Variants in SYNJ2BP observed in about 807,000 individuals in gnomAD.
The protein encoded by SYNJ2BP is synaptojanin-2-binding protein.
A neutral mutation model predicts 16.9 loss-of-function variants in SYNJ2BP; 10 were observed. That is an observed-to-expected ratio of 0.59 (90% confidence interval 0.36 to 1.00). The LOEUF is 1.00. SYNJ2BP is among the 50% of genes least tolerant of loss of function. SYNJ2BP has a pLI of 0.01. For missense variants in SYNJ2BP, 162 were observed against 186.7 expected, an observed-to-expected ratio of 0.87 and a Z score of 0.77; for synonymous variants, 54 against 68.4, an observed-to-expected ratio of 0.79 and a Z score of 1.04.
chr14:70,406,872 T>C (rs1888355527), intron 1 of SYNJ2BP, among the ~76,000 whole-genome samples: 1 of 152,098 alleles, frequency 6.6e-6, no homozygotes, highest in South Asian at 2.1e-4. Context: ...AAAACTCCAG[T>C]CTCCTGTACA....
intron 2 of SYNJ2BP, among the ~76,000 whole-genome samples, chr14:70,380,681 A>G (rs1268561872): frequency 6.6e-6 from 1 of 150,782 alleles, no homozygotes; most frequent in East Asian, 1.9e-4. Context: ...AAAAAGTTAG[A>G]GTTGAATAAA....
chr14:70,398,070 C>T (rs372780495), intron 1 of SYNJ2BP, among the ~76,000 whole-genome samples: 169 of 60,562 alleles, frequency 2.8e-3, no homozygotes, highest in African/African-American at 6.4e-3. Context: ...TCTCTGTAGG[C>T]AGGTCATCTC....
In SYNJ2BP at chr14:70,370,883, C is replaced by T. The variant is rs1321249303; in HGVS notation, c.*2108G>A. Reference sequence around the variant, plus strand: ...TCTCTTTTGCTGTCTGTAATATAAACATGACCCCTACTTACACTGTCCTAC... The same window carrying T: ...TCTCTTTTGCTGTCTGTAATATAAATATGACCCCTACTTACACTGTCCTAC... On this transcript the variant is annotated 3_prime_UTR_variant, in exon 4 of 4. Transcript: ENST00000256366. 2.0e-5 allele frequency: 3 copies of T among 152,170 alleles called. No individual in the cohort carries two copies. The highest frequency in any genetic ancestry group is 4.4e-5 in the Non-Finnish European group (3 of 68,044). The allele number at this position is 152,170 out of a possible 1,614,324, so 9.4% of individuals were successfully genotyped here.
chr14:70,377,257 AATC>A (rs1193145441), intron 2 of SYNJ2BP, among the ~76,000 whole-genome samples: 1 of 152,158 alleles, frequency 6.6e-6, no homozygotes, highest in Non-Finnish European at 1.5e-5. Flanking sequence ...GCACTTGGTA[AATC>A]ATTAGAATCC....
intron 1 of SYNJ2BP, among the ~76,000 whole-genome samples, chr14:70,415,253 TAGAA>T (rs989455141): frequency 6.6e-6 from 1 of 150,456 alleles, no homozygotes; most frequent in African/African-American, 2.4e-5. Flanking sequence ...TTTTTAATAA[TAGAA>T]AGGAAGGCAG....
Position 70,373,025 on chromosome 14 carries a change from G to T in SYNJ2BP, c.404C>A (p.Ala135Asp). The change falls in exon 4 of 4, where the codon GCC (alanine) becomes GAC (aspartate). Residue 135 changes from alanine to aspartate, a missense_variant. Ala to Asp is a moderately radical substitution (Grantham distance 126). Coordinates refer to ENST00000256366, the MANE Select transcript of SYNJ2BP (RefSeq NM_018373.3). ...VPVFALTMVA[A>D]WAFMRYRQQL ...TTGCCGGTATCTCATGAAAGCCCAG[G>T]CTGCTACCATGGTGAGGGCAAACAC... The T allele has an allele frequency of 6.2e-7, 1 of 1,614,120 alleles. No homozygotes were observed. Among genetic ancestry groups the T allele is most frequent in the Non-Finnish European group, 8.5e-7 (1 of 1,180,032 alleles).
chr14:70,396,782 T>C (rs887860968), intron 1 of SYNJ2BP, among the ~76,000 whole-genome samples: 6 of 152,228 alleles, frequency 3.9e-5, no homozygotes, highest in Non-Finnish European at 7.3e-5. Flanking sequence ...GCCATTTGTA[T>C]TACCTTCTTT....
rs766804847 is a variant in SYNJ2BP at position 70,416,973 on chromosome 14, C to T, written c.-10G>A. On this transcript the variant is annotated 5_prime_UTR_variant, in exon 1 of 4. Coordinates refer to ENST00000256366, the MANE Select transcript of SYNJ2BP (RefSeq NM_018373.3). ...CCACTCTTCCGTTCATGTTTTACAGCTCGTCTGGCTTCCTACTTGGGTCAG... is the reference window on the plus strand; with the variant it reads ...CCACTCTTCCGTTCATGTTTTACAGTTCGTCTGGCTTCCTACTTGGGTCAG... The T allele has an allele frequency of 8.1e-6, 13 of 1,614,162 alleles. No individual in the cohort carries two copies. The East Asian group carries it at 2.9e-4, about 36-fold the overall frequency.
At chr14:70,396,695 CA>C (rs1310526117) in intron 1 of SYNJ2BP, among the ~76,000 whole-genome samples, 7 of 150,268 alleles carry the variant, frequency 4.7e-5, no homozygotes, top group Admixed American at 4.0e-4. Flanking sequence ...GAAGTGGTAA[CA>C]AATTGTGGTT....
intron 1 of SYNJ2BP, among the ~76,000 whole-genome samples, chr14:70,407,420 ACTC>A (rs1330717622): frequency 3.6e-5 from 5 of 137,746 alleles, no homozygotes; most frequent in Admixed American, 2.3e-4. Context: ...ACAGAGCGAG[ACTC>A]CGTCTCAAAA....
chr14:70,392,746 A>C (rs1299734769), intron 1 of SYNJ2BP, among the ~76,000 whole-genome samples: 3 of 152,224 alleles, frequency 2.0e-5, no homozygotes, highest in Non-Finnish European at 2.9e-5. Flanking sequence ...AATCCCCCTT[A>C]AGAGTAGTTT....
In SYNJ2BP at chr14:70,395,399, C is replaced by T. The variant is rs184477224; in HGVS notation, c.65-6793G>A. On this transcript the variant is annotated intron_variant, in intron 1 of 3. Coordinates refer to ENST00000256366, the MANE Select transcript of SYNJ2BP (RefSeq NM_018373.3). ...TTATGAAGACTAGAGTAACAAACACCCTATTTTCCCTTTTCTTTCCCAAGA... is the reference window on the plus strand; with the variant it reads ...TTATGAAGACTAGAGTAACAAACACTCTATTTTCCCTTTTCTTTCCCAAGA... Among the ~76,000 whole-genome samples the T allele has an allele frequency of 1.3e-3, 204 of 152,196 alleles. 2 individuals carry two copies. The highest frequency in any genetic ancestry group is 8.1e-3 in the South Asian group (39 of 4,806).
In SYNJ2BP at chr14:70,398,171, T is replaced by C. The variant is rs1888148540; in HGVS notation, c.65-9565A>G. ...GCTGTGGCTGAACCTGGGGCATTTATGGGCCTCAGAGCAGAAGTGTATGCC... is the reference window on the plus strand; with the variant it reads ...GCTGTGGCTGAACCTGGGGCATTTACGGGCCTCAGAGCAGAAGTGTATGCC... On this transcript the variant is annotated intron_variant, in intron 1 of 3. Transcript: ENST00000256366. Among the ~76,000 whole-genome samples the C allele has an allele frequency of 2.0e-5, 3 of 152,156 alleles. No homozygotes were observed. In the South Asian group the frequency reaches 6.2e-4, roughly 31 times the overall value.
At chr14:70,375,857 C>T in intron 2 of SYNJ2BP, 86 bp from the exon 3 acceptor site, 2 of 1,542,512 alleles carry the variant, frequency 1.3e-6, no homozygotes, top group Non-Finnish European at 1.8e-6. Flanking sequence ...CTTTAAATAA[C>T]AAACTCCTTC....
chr14:70,415,358 G>A (rs898982517), intron 1 of SYNJ2BP, among the ~76,000 whole-genome samples: 2 of 151,786 alleles, frequency 1.3e-5, no homozygotes, highest in African/African-American at 4.8e-5. Context: ...AGACCAGCCT[G>A]GGCAACGTAG....
chr14:70,370,556 CG>C lies in SYNJ2BP; in HGVS notation c.*2434del, dbSNP rs1361999992. On this transcript the variant is annotated 3_prime_UTR_variant, in exon 4 of 4. Coordinates refer to ENST00000256366, the MANE Select transcript of SYNJ2BP (RefSeq NM_018373.3). ...TAGTGACCCAGAGGCAAGGTCTTAC[CG>C]GACCTCTTATTTTCAAAAGCCTTCC... 6.6e-6 allele frequency: 1 copy of C among 152,100 alleles called. No individual in the cohort carries two copies. The highest frequency in any genetic ancestry group is 1.5e-5 in the Non-Finnish European group (1 of 68,028). The allele number at this position is 152,100 out of a possible 1,614,324, so 9.4% of individuals were successfully genotyped here. A position where few individuals can be genotyped will look rare whatever the true frequency, so the allele number is the denominator to read the frequency against.
At chr14:70,403,134 G>A (rs111270961) in intron 1 of SYNJ2BP, among the ~76,000 whole-genome samples, 3,493 of 152,294 alleles carry the variant, frequency 0.023, 116 homozygotes, top group African/African-American at 0.079. Context: ...GGGTTACCTA[G>A]CTAAACAACT....
intron 1 of SYNJ2BP, among the ~76,000 whole-genome samples, chr14:70,402,358 T>C (rs1888257989): frequency 6.6e-6 from 1 of 152,170 alleles, no homozygotes; most frequent in African/African-American, 2.4e-5. Flanking sequence ...AACATTTAGG[T>C]AAGAAAGGTG....
At chr14:70,387,830 CAAA>C (rs1224467128) in intron 2 of SYNJ2BP, among the ~76,000 whole-genome samples, 3 of 98,260 alleles carry the variant, frequency 3.1e-5, no homozygotes, top group Non-Finnish European at 2.1e-5. Context: ...GAATCTATCT[CAAA>C]AAAAAAAAAA....
Sources: gnomAD v4.1 joint callset for allele counts (sites outside exome capture counted in the v4.1 genomes callset) on GRCh38, gnomAD v4.1.1 for gene constraint, MANE v1.5 for transcripts, NCBI Gene and HGNC (gene_info 2026-07-23, HGNC 2026-07-21) for gene names.